Variants in DIP2B observed in about 807,000 individuals in gnomAD.
DIP2B encodes disco-interacting protein 2 homolog B.
A neutral mutation model predicts 198.0 loss-of-function variants in DIP2B; 76 were observed. That is an observed-to-expected ratio of 0.38 (90% CI 0.32 to 0.46). The LOEUF is 0.46. Among genes scored for constraint, DIP2B ranks in the 20% least tolerant of loss-of-function variants. The probability of loss-of-function intolerance (pLI) is 0.99; values close to 1 mark genes in which losing one functional copy is unlikely to be tolerated. For synonymous variants in DIP2B, 701 were observed against 739.1 expected, an observed-to-expected ratio of 0.95 and a Z score of 0.84; for missense variants, 1,559 against 1,978.4, an observed-to-expected ratio of 0.79 and a Z score of 4.02.
rs532626979 is a variant in DIP2B at position 50,716,402 on chromosome 12, TGAGGCAGGAGAATGGCGTGAACCCGG to T, written c.2851+1830_2851+1855del. Reference sequence around the variant, plus strand: ...AAAAAGTTGCCACATGTCGGGAGGCTGAGGCAGGAGAATGGCGTGAACCCGGGAGGCAGGAGAATGGCGTGAACCTG... The same window carrying T: ...AAAAAGTTGCCACATGTCGGGAGGCTGAGGCAGGAGAATGGCGTGAACCTG... On this transcript the variant is annotated intron_variant, in intron 23 of 37. Transcript: ENST00000301180. 2.6e-4 allele frequency among the ~76,000 whole-genome samples: 40 copies of T among 152,276 alleles called. No individual in the cohort carries two copies. In the South Asian group the frequency reaches 3.5e-3, roughly 13 times the overall value.
chr12:50,689,098 G>T (rs948107440), intron 12 of DIP2B, among the ~76,000 whole-genome samples: 1 of 152,130 alleles, frequency 6.6e-6, no homozygotes. Context: ...GACTGGTTGG[G>T]TTAAGAAAGG....
intron 4 of DIP2B, among the ~76,000 whole-genome samples, chr12:50,665,434 G>C (rs903506909): frequency 6.6e-6 from 1 of 152,110 alleles, no homozygotes; most frequent in African/African-American, 2.4e-5. Context: ...CCACTGAAGT[G>C]TCATGTTTAT....
At position 50,588,929 on chromosome 12, in the gene DIP2B, A is replaced by G. The variant is rs182828958; in HGVS notation, c.101-37047A>G. On this transcript the variant is annotated intron_variant, in intron 1 of 37. Coordinates refer to ENST00000301180, the MANE Select transcript of DIP2B (RefSeq NM_173602.3). ...GCTGGGCGCGGTGGCTCACGCCTGT[A>G]ATCCTAGCACTTTGGGAGGCCGAGG... Among the ~76,000 whole-genome samples, 3 of 152,250 alleles carry G rather than the reference A, an allele frequency of 2.0e-5. No individual in the cohort carries two copies. In the East Asian group the frequency reaches 5.8e-4, roughly 30 times the overall value.
chr12:50,531,521 G>A (rs1958216989), intron 1 of DIP2B, among the ~76,000 whole-genome samples: 1 of 152,208 alleles, frequency 6.6e-6, no homozygotes, highest in Non-Finnish European at 1.5e-5. Context: ...TAGAGTTTGA[G>A]ACTAGGACTG....
chr12:50,690,578 C>G (rs921826936), intron 12 of DIP2B, among the ~76,000 whole-genome samples: 1 of 152,156 alleles, frequency 6.6e-6, no homozygotes, highest in Admixed American at 6.5e-5. Flanking sequence ...TTGAATGGAA[C>G]ATTAAGGGTA....
intron 1 of DIP2B, among the ~76,000 whole-genome samples, chr12:50,527,069 TG>T (rs945568840): frequency 6.6e-6 from 1 of 152,254 alleles, no homozygotes; most frequent in African/African-American, 2.4e-5. Context: ...TAATGGGTCC[TG>T]GTTGGAAAAA....
At chr12:50,688,235 C>A (rs942342078) in intron 12 of DIP2B, among the ~76,000 whole-genome samples, 6 of 151,858 alleles carry the variant, frequency 4.0e-5, no homozygotes, top group African/African-American at 1.5e-4. Flanking sequence ...CTTTGGAAGG[C>A]CAAATAGGAG....
At position 50,691,098 on chromosome 12, in the gene DIP2B, T is replaced by C; in HGVS notation, c.1601T>C (p.Leu534Pro). ...GTAATGGGAGTTACAGTATCCCGGC[T>C]TGCAATGTTGTCTCACTGCCAAGCT... ...GSVMGVTVSR[L>P]AMLSHCQALS... The change falls in exon 13 of 38, where the codon CTT becomes CCT. Residue 534 changes from leucine to proline, a missense_variant. By Grantham distance (98) the Leu-to-Pro change is moderately conservative. Transcript: ENST00000301180. 6.2e-7 allele frequency: 1 copy of C among 1,614,156 alleles called. No homozygotes were observed. The highest frequency in any genetic ancestry group is 8.5e-7 in the Non-Finnish European group (1 of 1,180,014).
chr12:50,734,241 A>T, intron 33 of DIP2B, 45 bp downstream of exon 33: 1 of 1,602,398 alleles, frequency 6.2e-7, no homozygotes, highest in Non-Finnish European at 8.5e-7. Context: ...GTTCCTAAGC[A>T]TAACAAATTC....
Position 50,745,913 on chromosome 12 carries a change from C to T in DIP2B, c.*1074C>T, listed in dbSNP as rs1940335235. On this transcript the variant is annotated 3_prime_UTR_variant, in exon 38 of 38. Transcript: ENST00000301180. The stretch of plus-strand genomic sequence containing the variant: ...TCTCTTCTGAAAACTGAGGAGTGTC[C>T]TCTGTTCTTCCAGTTCACGAGGGCA... 6.6e-6 allele frequency: 1 copy of T among 152,138 alleles called. No individual in the cohort carries two copies. The highest frequency in any genetic ancestry group is 1.5e-5 in the Non-Finnish European group (1 of 68,036). 9.4% of individuals were successfully genotyped at this position (152,138 alleles called of 1,614,324 possible).
At chr12:50,695,725 G>GT (rs1939299062) in intron 15 of DIP2B, 123 bp from the exon 16 acceptor site, 2 of 1,380,636 alleles carry the variant, frequency 1.4e-6, no homozygotes, top group African/African-American at 2.9e-5. Flanking sequence ...CTTTGAAACC[G>GT]TTTTTATCTT....
chr12:50,539,413 T>A (rs1173384890), intron 1 of DIP2B, among the ~76,000 whole-genome samples: 1 of 150,376 alleles, frequency 6.6e-6, no homozygotes, highest in Non-Finnish European at 1.5e-5. Flanking sequence ...AGGTCAGGAG[T>A]TTGAAACCAG....
intron 1 of DIP2B, among the ~76,000 whole-genome samples, chr12:50,529,846 G>A (rs1300580987): frequency 5.3e-5 from 8 of 151,772 alleles, no homozygotes; most frequent in African/African-American, 1.2e-4. Context: ...GTGACAGAGC[G>A]AGCCTCTGTC....
chr12:50,614,112 C>G (rs1227179128), intron 1 of DIP2B, among the ~76,000 whole-genome samples: 1 of 152,230 alleles, frequency 6.6e-6, no homozygotes, highest in African/African-American at 2.4e-5. Flanking sequence ...CATTTCACCT[C>G]TTACTCATTC....
At chr12:50,578,084 T>C (rs568853342) in intron 1 of DIP2B, among the ~76,000 whole-genome samples, 2 of 152,360 alleles carry the variant, frequency 1.3e-5, no homozygotes, top group South Asian at 2.1e-4. Context: ...CAATCTTGGC[T>C]CACTGCAACC....
chr12:50,627,031 T>G (rs149580866), intron 2 of DIP2B, among the ~76,000 whole-genome samples: 35 of 152,306 alleles, frequency 2.3e-4, no homozygotes, highest in African/African-American at 8.2e-4. Context: ...GATATCTCAA[T>G]GAATAGGTGT....
At chr12:50,700,874 T>C (rs1342651526) in intron 19 of DIP2B, among the ~76,000 whole-genome samples, 1 of 152,202 alleles carries the variant, frequency 6.6e-6, no homozygotes, top group Non-Finnish European at 1.5e-5. Context: ...TCTCACCCTA[T>C]TTATTTCTGT....
intron 25 of DIP2B, among the ~76,000 whole-genome samples, chr12:50,719,263 C>T (rs373618037): frequency 4.6e-5 from 7 of 152,266 alleles, no homozygotes; most frequent in African/African-American, 7.2e-5. Flanking sequence ...GGTACAATCA[C>T]GTCTTCTTTA....
chr12:50,609,528 C>G (rs1959013604), intron 1 of DIP2B, among the ~76,000 whole-genome samples: 4 of 152,214 alleles, frequency 2.6e-5, no homozygotes, highest in Admixed American at 2.6e-4. Flanking sequence ...TCCAATATAG[C>G]TGATTACCAC....
Sources: allele counts gnomAD v4.1 joint callset (sites outside exome capture counted in the v4.1 genomes callset), GRCh38; gene constraint gnomAD v4.1.1; transcripts MANE v1.5; gene names NCBI Gene and HGNC (gene_info 2026-07-23, HGNC 2026-07-21).